The following DUS2 variants were observed in gnomAD, a reference collection of about 807,000 sequenced individuals.
DUS2 encodes tRNA-dihydrouridine(20) synthase [NAD(P)+]-like.
A neutral mutation model predicts 71.3 loss-of-function variants in DUS2; 52 were observed. The observed-to-expected ratio is 0.73, with a 90% CI of 0.58 to 0.92. The LOEUF is 0.92. DUS2 is among the 40% of genes least tolerant of loss of function. The pLI is 0.00. For missense variants in DUS2, 558 were observed against 622.6 expected, an observed-to-expected ratio of 0.90 and a Z score of 1.10; for synonymous variants, 204 against 227.8, an observed-to-expected ratio of 0.90 and a Z score of 0.94.
chr16:68,027,251 T>TG (rs1314859514), intron 2 of DUS2, among the ~76,000 whole-genome samples: 1 of 152,080 alleles, frequency 6.6e-6, no homozygotes, highest in Non-Finnish European at 1.5e-5. Flanking sequence ...TTTTTTTTTT[T>TG]TTTGGAGATG....
chr16:68,033,237 G>A (rs957045170), intron 2 of DUS2, among the ~76,000 whole-genome samples: 4 of 152,124 alleles, frequency 2.6e-5, no homozygotes, highest in African/African-American at 9.7e-5. Context: ...TTTCTGGTGC[G>A]CAGTTGTGGC....
At chr16:68,029,484 A>G (rs772859253) in intron 2 of DUS2, among the ~76,000 whole-genome samples, 32 of 151,576 alleles carry the variant, frequency 2.1e-4, no homozygotes, top group Non-Finnish European at 3.8e-4. Flanking sequence ...TCTTGCTCCA[A>G]TTTCCAGGCT....
chr16:68,053,701 C>T (rs750767422), intron 5 of DUS2, 46 bp downstream of exon 5: 2 of 1,601,970 alleles, frequency 1.2e-6, no homozygotes, highest in Non-Finnish European at 1.7e-6. Context: ...TCACCATCCC[C>T]TGGGATTTCC....
chr16:68,068,364 CA>C (rs899526340), intron 10 of DUS2, among the ~76,000 whole-genome samples: 3 of 152,292 alleles, frequency 2.0e-5, no homozygotes, highest in African/African-American at 7.2e-5. Context: ...TGCGCCTTCC[CA>C]AGGCAGCAGG....
chr16:68,042,740 G>A (rs191151752), intron 3 of DUS2, among the ~76,000 whole-genome samples: 1 of 151,260 alleles, frequency 6.6e-6, no homozygotes, highest in Non-Finnish European at 1.5e-5. Context: ...ACAGAGTCTC[G>A]CTCTATCGCC....
In DUS2 at chr16:68,052,510, A is replaced by C. The variant is rs570552812; in HGVS notation, c.173-1054A>C. Reference sequence around the variant, plus strand: ...CAACTATGAATAGTATAGGAGATTGATTGTTATATAGTAACCTTCCACTCA... The same window carrying C: ...CAACTATGAATAGTATAGGAGATTGCTTGTTATATAGTAACCTTCCACTCA... On this transcript the variant is annotated intron_variant, in intron 4 of 16. Transcript: ENST00000565263. Among the ~76,000 whole-genome samples the C allele has an allele frequency of 6.4e-4, 98 of 152,310 alleles. 1 individual carries two copies. The highest frequency in any genetic ancestry group is 2.3e-3 in the African/African-American group (96 of 41,562).
intron 2 of DUS2, among the ~76,000 whole-genome samples, chr16:68,027,267 T>G (rs2033365100): frequency 6.6e-6 from 1 of 151,938 alleles, no homozygotes; most frequent in Admixed American, 6.6e-5. Flanking sequence ...AGATGGAGTT[T>G]TGCTCTTGTT....
At chr16:68,048,035 G>T (rs948050233) in intron 3 of DUS2, among the ~76,000 whole-genome samples, 1 of 152,090 alleles carries the variant, frequency 6.6e-6, no homozygotes, top group Admixed American at 6.6e-5. Context: ...CTCCTGCTTT[G>T]GTTTTCTAAA....
At chr16:68,055,591 C>G (rs1445562979) in intron 6 of DUS2, among the ~76,000 whole-genome samples, 1 of 152,050 alleles carries the variant, frequency 6.6e-6, no homozygotes, top group Non-Finnish European at 1.5e-5. Flanking sequence ...TCAATGAGAA[C>G]CTAGTTTTCT....
intron 16 of DUS2, 42 bp from the exon 17 acceptor site, chr16:68,078,707 C>T (rs1238033740): frequency 1.3e-6 from 2 of 1,573,190 alleles, no homozygotes; most frequent in Non-Finnish European, 1.7e-6. Flanking sequence ...GCCTCATAGC[C>T]CTGCACCCTG....
At chr16:68,066,699 T>A in intron 10 of DUS2, 63 bp downstream of exon 10, 1 of 1,522,764 alleles carries the variant, frequency 6.6e-7, no homozygotes, top group African/African-American at 1.4e-5. Context: ...GATCCTTCCT[T>A]AATTGATCTG....
chr16:68,060,188 G>A (rs1408804073), intron 7 of DUS2, among the ~76,000 whole-genome samples: 1 of 152,148 alleles, frequency 6.6e-6, no homozygotes, highest in Non-Finnish European at 1.5e-5. Flanking sequence ...GGGAGATGGT[G>A]GGATTTAGTT....
chr16:68,052,304 A>G (rs1185899353), intron 4 of DUS2, among the ~76,000 whole-genome samples: 1 of 152,288 alleles, frequency 6.6e-6, no homozygotes, highest in Non-Finnish European at 1.5e-5. Flanking sequence ...TGTTGACAGT[A>G]TGAGAGCTGA....
At position 68,078,451 on chromosome 16, in the gene DUS2, C is replaced by T. The variant is rs374089870; in HGVS notation, c.1177C>T (p.Arg393Cys). ...LAQPVYETVQ[R>C]PLDRLFSSIV... ...CCTTTTCTCTTTGTATCAGGTTCAA[C>T]GCCCTCTAGATCGCCTGTTCTCCTC... is the stretch of plus-strand genomic sequence containing the variant. Residue 393 changes from arginine to cysteine, a missense_variant, in exon 16 of 17, where the codon CGC (arginine) becomes TGC (cysteine). Arg to Cys is a radical substitution (Grantham distance 180, BLOSUM62 -3). Transcript: ENST00000565263. The T allele has an allele frequency of 1.0e-4, 169 of 1,614,074 alleles. No individual in the cohort carries two copies. The highest frequency in any genetic ancestry group is 2.3e-4 in the African/African-American group (17 of 75,062).
intron 8 of DUS2, among the ~76,000 whole-genome samples, chr16:68,065,129 C>G (rs1248797093): frequency 6.6e-6 from 1 of 152,202 alleles, no homozygotes; most frequent in Non-Finnish European, 1.5e-5. Context: ...CTGTCACTTT[C>G]CTGCGTGACT....
Position 68,075,463 on chromosome 16 carries a change from A to G in DUS2, c.1041A>G (p.Glu347=). The G allele has an allele frequency of 6.2e-7, 1 of 1,613,890 alleles. No homozygotes were observed. The highest frequency in any genetic ancestry group is 1.7e-4 in the Middle Eastern group (1 of 6,060). ...KTSEQTGEPA[E]DTSGVIKMAV... is the part of the protein sequence containing the mutation. Reference sequence around the variant, plus strand: ...CAGAGCAGACAGGGGAGCCAGCTGAAGATACCTCTGGTGTCATTAAGATGG... The same window carrying G: ...CAGAGCAGACAGGGGAGCCAGCTGAGGATACCTCTGGTGTCATTAAGATGG... Residue 347 remains glutamate (E), a synonymous_variant, in exon 14 of 17, where the codon GAA becomes GAG. Coordinates refer to ENST00000565263, the MANE Select transcript of DUS2 (RefSeq NM_017803.5).
intron 8 of DUS2, among the ~76,000 whole-genome samples, chr16:68,065,803 T>C (rs909116503): frequency 3.1e-5 from 4 of 128,736 alleles, no homozygotes; most frequent in South Asian, 2.4e-4. Flanking sequence ...TTTTTCTTAC[T>C]TTTTTTTTTT....
At chr16:68,035,721 G>GT (rs1567469949) in intron 2 of DUS2, among the ~76,000 whole-genome samples, 1 of 141,222 alleles carries the variant, frequency 7.1e-6, no homozygotes, top group Non-Finnish European at 1.5e-5. Context: ...TTTTTTTTTT[G>GT]GTTTTTTTTT....
At chr16:68,069,277 G>C (rs1450367492) in intron 10 of DUS2, among the ~76,000 whole-genome samples, 1 of 152,150 alleles carries the variant, frequency 6.6e-6, no homozygotes, top group Non-Finnish European at 1.5e-5. Context: ...TGTAATCCCA[G>C]CTACCTGGGA....
Sources: gnomAD v4.1 joint callset for allele counts (sites outside exome capture counted in the v4.1 genomes callset) on GRCh38, gnomAD v4.1.1 for gene constraint, MANE v1.5 for transcripts, NCBI Gene and HGNC (gene_info 2026-07-23, HGNC 2026-07-21) for gene names.